The following PKD1L1 variants were observed in gnomAD, a reference collection of about 807,000 sequenced individuals.
The protein encoded by PKD1L1 is polycystin 1 like 1, transient receptor potential channel interacting.
In PKD1L1, 236 loss-of-function variants were observed where a neutral mutation model predicts 323.4. The observed-to-expected ratio is 0.73, with a 90% CI of 0.66 to 0.81. PKD1L1 has a LOEUF of 0.81. PKD1L1 is among the 40% of genes least tolerant of loss of function. The pLI is 0.00. For synonymous variants in PKD1L1, 1,344 were observed against 1,335.0 expected, an observed-to-expected ratio of 1.01 and a Z score of -0.15; for missense variants, 3,320 against 3,508.0, an observed-to-expected ratio of 0.95 and a Z score of 1.35.
At chr7:47,948,018 T>C (rs1788136511) in intron 1 of PKD1L1, among the ~76,000 whole-genome samples, 1 of 152,138 alleles carries the variant, frequency 6.6e-6, no homozygotes. Flanking sequence ...TCTCTTCCTG[T>C]GCCAGGTTTC....
rs371335752 is a variant in PKD1L1 at position 47,905,798 on chromosome 7, G to T, written c.1522+45C>A. 1.9e-6 allele frequency: 3 copies of T among 1,607,924 alleles called. No homozygotes were observed. The African/African-American group carries it at 4.0e-5, about 22-fold the overall frequency. ...GGCTTTCCTAATCTCAGCTGACTGC[G>T]CGAGGGAGGTTTTTGTTAAATCTGG... On this transcript the variant is annotated intron_variant, in intron 10 of 56. Transcript: ENST00000289672.
At chr7:47,853,312 C>T (rs1450228221) in intron 30 of PKD1L1, 85 bp from the exon 31 acceptor site, 2 of 991,888 alleles carry the variant, frequency 2.0e-6, no homozygotes, top group Non-Finnish European at 3.2e-6. Context: ...AGAGTTTACT[C>T]AATTTGTGCA....
At chr7:47,878,119 C>T (rs528157461) in intron 21 of PKD1L1, among the ~76,000 whole-genome samples, 6 of 152,180 alleles carry the variant, frequency 3.9e-5, no homozygotes, top group Non-Finnish European at 8.8e-5. Flanking sequence ...CACGTACGTA[C>T]AGCTTCGTTG....
intron 24 of PKD1L1, among the ~76,000 whole-genome samples, chr7:47,868,313 G>A (rs1583633457): frequency 6.6e-6 from 1 of 152,146 alleles, no homozygotes; most frequent in African/African-American, 2.4e-5. Flanking sequence ...AGGTTGCAGT[G>A]AGCCAAGATT....
chr7:47,843,320 G>A, intron 33 of PKD1L1, 151 bp from the exon 34 acceptor site: 2 of 656,210 alleles, frequency 3.0e-6, no homozygotes, highest in Non-Finnish European at 2.6e-6. Flanking sequence ...GAGTTAGAAG[G>A]GCTTTGAAGG....
At chr7:47,852,655 G>T (rs1429973589) in intron 31 of PKD1L1, among the ~76,000 whole-genome samples, 3 of 152,110 alleles carry the variant, frequency 2.0e-5, no homozygotes, top group Non-Finnish European at 4.4e-5. Context: ...CACGGAGAAG[G>T]GGTGAGCCCC....
chr7:47,919,232 C>A (rs866316958), intron 7 of PKD1L1, among the ~76,000 whole-genome samples: 13 of 152,010 alleles, frequency 8.6e-5, no homozygotes, highest in Admixed American at 2.6e-4. Flanking sequence ...TCATTCAAGG[C>A]TACTTAATGA....
At position 47,821,076 on chromosome 7, in the gene PKD1L1, C is replaced by T. The variant is rs1339600896; in HGVS notation, c.6965G>A (p.Arg2322Lys). 2 of 1,567,558 alleles carry T rather than the reference C, an allele frequency of 1.3e-6. No homozygotes were observed. The highest frequency in any genetic ancestry group is 4.5e-5 in the East Asian group (2 of 44,630). ...LNQAIRKEFT[R>K]NARNCLGGLR... Reference sequence around the variant, plus strand: ...TGGAAGAGTTACCCAAACCTCCTACCTTGTAAATTCTTTCCGGATAGCTTG... The same window carrying T: ...TGGAAGAGTTACCCAAACCTCCTACTTTGTAAATTCTTTCCGGATAGCTTG... Residue 2322 changes from arginine (R) to lysine (K), a missense_variant and splice_region_variant, in exon 46 of 57, where the codon AGA (arginine) becomes AAA (lysine). Arg to Lys is a conservative substitution (Grantham distance 26). Transcript: ENST00000289672.
Position 47,855,012 on chromosome 7 carries a change from C to A in PKD1L1, c.4729G>T (p.Val1577Leu), listed in dbSNP as rs1785866121. ...LDNRRNKTTF[V>L]LLRDKVNLHQ... ...AGATTCACTTTATCCCGAAGTAATA[C>A]AAATGTCGTTTTATTTCTCCTATTA... Residue 1577 changes from valine (V) to leucine (L), a missense_variant, in exon 30 of 57, where the codon GTA becomes TTA. Physicochemically the swap from Val to Leu is conservative, Grantham distance 32 (BLOSUM62 1). Coordinates refer to ENST00000289672, the MANE Select transcript of PKD1L1 (RefSeq NM_138295.5). 2 of 1,613,128 alleles carry A rather than the reference C, an allele frequency of 1.2e-6. No homozygotes were observed. Among genetic ancestry groups the A allele is most frequent in the African/African-American group, 2.7e-5 (2 of 74,982 alleles).
intron 25 of PKD1L1, 58 bp from the exon 26 acceptor site, chr7:47,865,330 T>C: frequency 6.8e-7 from 1 of 1,467,778 alleles, no homozygotes; most frequent in Non-Finnish European, 9.4e-7. Flanking sequence ...GGAAATTAGC[T>C]TGTTTGGGTT....
At chr7:47,876,466 C>T (rs1360906909) in intron 22 of PKD1L1, among the ~76,000 whole-genome samples, 1 of 152,174 alleles carries the variant, frequency 6.6e-6, no homozygotes, top group Non-Finnish European at 1.5e-5. Flanking sequence ...TGTGTCCTCT[C>T]CTTGTCCTGG....
chr7:47,783,188 T>C (rs1373028884), intron 56 of PKD1L1, among the ~76,000 whole-genome samples: 1 of 152,090 alleles, frequency 6.6e-6, no homozygotes, highest in African/African-American at 2.4e-5. Context: ...TTATTTAAAA[T>C]AGCAAAAAAA....
chr7:47,813,298 A>T lies in PKD1L1; in HGVS notation c.7174-5T>A. 1 of 1,613,976 alleles carries T rather than the reference A, an allele frequency of 6.2e-7. No individual in the cohort carries two copies. The highest frequency in any genetic ancestry group is 8.5e-7 in the Non-Finnish European group (1 of 1,179,944). On this transcript the variant is annotated splice_polypyrimidine_tract_variant and splice_region_variant and intron_variant, in intron 48 of 56. Transcript: ENST00000289672. ...TGCTGAAAATGGCCTGGGAGGCTGCAGAACAAACCAGCAGTCAGAAGACAC... is the reference window on the plus strand; with the variant it reads ...TGCTGAAAATGGCCTGGGAGGCTGCTGAACAAACCAGCAGTCAGAAGACAC...
chr7:47,903,602 T>C (rs1787138316), intron 12 of PKD1L1, among the ~76,000 whole-genome samples: 1 of 152,248 alleles, frequency 6.6e-6, no homozygotes, highest in South Asian at 2.1e-4. Flanking sequence ...TGGGTTCTCA[T>C]GGAAATCTTG....
chr7:47,800,623 T>A (rs1784638986), intron 54 of PKD1L1, 26 bp downstream of exon 54: 2 of 1,604,172 alleles, frequency 1.2e-6, no homozygotes, highest in South Asian at 2.2e-5. Context: ...AACCATAACT[T>A]GAAAGTTGGG....
intron 14 of PKD1L1, among the ~76,000 whole-genome samples, chr7:47,896,783 C>G (rs1004887697): frequency 5.9e-5 from 9 of 152,136 alleles, no homozygotes; most frequent in Non-Finnish European, 1.3e-4. Context: ...AGCCACCCAT[C>G]AGGTCAGATG....
At chr7:47,918,477 A>T (rs1348434230) in intron 7 of PKD1L1, among the ~76,000 whole-genome samples, 1 of 151,996 alleles carries the variant, frequency 6.6e-6, no homozygotes, top group Non-Finnish European at 1.5e-5. Context: ...AACAACAAAA[A>T]AAAAAACAAT....
chr7:47,949,527 G>A (rs1788171663), upstream of PKD1L1, among the ~76,000 whole-genome samples: 1 of 152,108 alleles, frequency 6.6e-6, no homozygotes, highest in Non-Finnish European at 1.5e-5. Flanking sequence ...ATCTGGTTCC[G>A]AACCTCCTGC....
chr7:47,830,214 G>A, intron 42 of PKD1L1, 90 bp from the exon 43 acceptor site: 1 of 1,120,020 alleles, frequency 8.9e-7, no homozygotes, highest in Non-Finnish European at 1.3e-6. Flanking sequence ...GACACTGCCT[G>A]AGAGGGCCTA....
Sources: allele counts gnomAD v4.1 joint callset (sites outside exome capture counted in the v4.1 genomes callset), GRCh38; gene constraint gnomAD v4.1.1; transcripts MANE v1.5; gene names NCBI Gene and HGNC (gene_info 2026-07-23, HGNC 2026-07-21).